The following B3GAT2 variants were observed in gnomAD, a reference collection of about 807,000 sequenced individuals.
B3GAT2 encodes galactosylgalactosylxylosylprotein 3-beta-glucuronosyltransferase 2.
A neutral mutation model predicts 27.8 loss-of-function variants in B3GAT2; 26 were observed. That is an observed-to-expected ratio of 0.93 (90% CI 0.68 to 1.30). The LOEUF is 1.30. Among genes scored for constraint, B3GAT2 ranks in the 50% most tolerant of loss-of-function variants. The pLI, the probability that B3GAT2 is intolerant of heterozygous loss-of-function variation, is 0.00. For synonymous variants in B3GAT2, 218 were observed against 195.1 expected, an observed-to-expected ratio of 1.12 and a Z score of -0.98; for missense variants, 458 against 459.0, an observed-to-expected ratio of 1.00 and a Z score of 0.02.
rs951661742 is a variant in B3GAT2 at position 70,857,475 on chromosome 6, A to AC, written c.*4187dup. 2 of 171,264 alleles carry AC rather than the reference A, an allele frequency of 1.2e-5. No individual in the cohort carries two copies. Among genetic ancestry groups the AC allele is most frequent in the African/African-American group, 4.8e-5 (2 of 41,810 alleles). 10.6% of individuals were successfully genotyped at this position (171,264 alleles called of 1,614,324 possible). ...TGTTTACAGAGTTTTAATCTTTCAC[A>AC]CCATTTCCTTTAAAATAATGAGCTG... On this transcript the variant is annotated 3_prime_UTR_variant, in exon 4 of 4. Transcript: ENST00000230053.
At chr6:70,872,604 T>C (rs925861594) in intron 2 of B3GAT2, among the ~76,000 whole-genome samples, 3 of 151,758 alleles carry the variant, frequency 2.0e-5, no homozygotes, top group Non-Finnish European at 4.4e-5. Flanking sequence ...ATGTTTGTCT[T>C]GTAGACAGCA....
chr6:70,894,883 C>T (rs1772352826), intron 1 of B3GAT2, among the ~76,000 whole-genome samples: 1 of 152,230 alleles, frequency 6.6e-6, no homozygotes, highest in South Asian at 2.1e-4. Flanking sequence ...ATCGCTTGTC[C>T]TTGTTACACA....
chr6:70,939,109 C>T (rs187920599), intron 1 of B3GAT2, among the ~76,000 whole-genome samples: 2 of 152,180 alleles, frequency 1.3e-5, no homozygotes, highest in South Asian at 4.2e-4. Flanking sequence ...AGACACTTCT[C>T]AAAAGAAGAC....
At chr6:70,935,578 T>G (rs1274133413) in intron 1 of B3GAT2, among the ~76,000 whole-genome samples, 5 of 152,268 alleles carry the variant, frequency 3.3e-5, no homozygotes, top group Non-Finnish European at 7.4e-5. Context: ...CTGGATATAT[T>G]TAAATTTCAT....
chr6:70,953,988 A>C (rs1311468146), intron 1 of B3GAT2, among the ~76,000 whole-genome samples: 1 of 152,202 alleles, frequency 6.6e-6, no homozygotes, highest in African/African-American at 2.4e-5. Flanking sequence ...AATTCTTCTA[A>C]CACCTCACAC....
At chr6:70,905,323 T>C (rs937885015) in intron 1 of B3GAT2, among the ~76,000 whole-genome samples, 3 of 152,198 alleles carry the variant, frequency 2.0e-5, no homozygotes, top group African/African-American at 7.2e-5. Context: ...AAAAGTCAAA[T>C]GAGCTTTGTC....
At chr6:70,867,753 A>T (rs1771874385) in intron 2 of B3GAT2, among the ~76,000 whole-genome samples, 2 of 152,186 alleles carry the variant, frequency 1.3e-5, no homozygotes, top group African/African-American at 4.8e-5. Context: ...AAGAAATGAC[A>T]GCAATTCTAC....
At chr6:70,882,883 C>T (rs1772120885) in intron 2 of B3GAT2, among the ~76,000 whole-genome samples, 1 of 152,120 alleles carries the variant, frequency 6.6e-6, no homozygotes, top group Non-Finnish European at 1.5e-5. Context: ...AAATCCATTT[C>T]TGTTGGTGAA....
At chr6:70,932,775 T>C (rs62419755) in intron 1 of B3GAT2, among the ~76,000 whole-genome samples, 7 of 152,172 alleles carry the variant, frequency 4.6e-5, no homozygotes, top group Non-Finnish European at 7.3e-5. Context: ...GAAAGTAACA[T>C]AACAAAAAAC....
At chr6:70,915,354 T>A (rs143039758) in intron 1 of B3GAT2, among the ~76,000 whole-genome samples, 1 of 152,326 alleles carries the variant, frequency 6.6e-6, no homozygotes, top group East Asian at 1.9e-4. Context: ...ATTCTGTAGG[T>A]TGCCTATTCA....
At chr6:70,873,313 A>G (rs1771965860) in intron 2 of B3GAT2, among the ~76,000 whole-genome samples, 2 of 152,172 alleles carry the variant, frequency 1.3e-5, no homozygotes, top group South Asian at 4.1e-4. Flanking sequence ...TTTGAAGGAT[A>G]GTTTTGCTGG....
chr6:70,951,227 C>T (rs1335247750), intron 1 of B3GAT2, among the ~76,000 whole-genome samples: 1 of 152,168 alleles, frequency 6.6e-6, no homozygotes, highest in Non-Finnish European at 1.5e-5. Flanking sequence ...CCTACCACTA[C>T]TTGAATACCA....
chr6:70,894,046 C>T (rs1772335725), intron 2 of B3GAT2, 82 bp downstream of exon 2: 1 of 1,372,094 alleles, frequency 7.3e-7, no homozygotes, highest in Non-Finnish European at 9.6e-7. Flanking sequence ...TCTTTTAAAG[C>T]TTCCTTCATC....
intron 1 of B3GAT2, among the ~76,000 whole-genome samples, chr6:70,898,866 G>A (rs994023868): frequency 6.6e-6 from 1 of 152,150 alleles, no homozygotes; most frequent in Non-Finnish European, 1.5e-5. Context: ...GGGAGGCTGA[G>A]GCGGGAGGAT....
chr6:70,946,172 C>T (rs1019693981), intron 1 of B3GAT2, among the ~76,000 whole-genome samples: 2 of 151,930 alleles, frequency 1.3e-5, no homozygotes, highest in Non-Finnish European at 2.9e-5. Flanking sequence ...AACTAACGAG[C>T]AAAATAACCA....
chr6:70,863,937 A>C lies in B3GAT2; in HGVS notation c.737-1959T>G, dbSNP rs187809950. On this transcript the variant is annotated intron_variant, in intron 2 of 3. Coordinates refer to ENST00000230053, the MANE Select transcript of B3GAT2 (RefSeq NM_080742.3). Reference sequence around the variant, plus strand: ...CTTAGACACAACTAGGACAACCACCAGACACCTCAACAAAAGCCAGAGGTT... The same window carrying C: ...CTTAGACACAACTAGGACAACCACCCGACACCTCAACAAAAGCCAGAGGTT... Among the ~76,000 whole-genome samples, 11 of 152,290 alleles carry C rather than the reference A, an allele frequency of 7.2e-5. No homozygotes were observed. In the East Asian group the frequency reaches 2.1e-3, roughly 29 times the overall value.
At position 70,935,049 on chromosome 6, in the gene B3GAT2, T is replaced by C. The variant is rs1350930283; in HGVS notation, c.591+20790A>G. Among the ~76,000 whole-genome samples, 3 of 152,238 alleles carry C rather than the reference T, an allele frequency of 2.0e-5. No homozygotes were observed. The East Asian group carries it at 5.8e-4, about 29-fold the overall frequency. ...ATTCTATCTATATTCTTTTTGTCAT[T>C]GTAGATATGTGTAATAGGGAGATGA... On this transcript the variant is annotated intron_variant, in intron 1 of 3. Coordinates refer to ENST00000230053, the MANE Select transcript of B3GAT2 (RefSeq NM_080742.3).
chr6:70,953,843 C>T (rs1765610655), intron 1 of B3GAT2, among the ~76,000 whole-genome samples: 1 of 152,028 alleles, frequency 6.6e-6, no homozygotes, highest in Non-Finnish European at 1.5e-5. Context: ...TATATTTTCC[C>T]CCATATGGAC....
At chr6:70,867,879 T>A (rs1315289875) in intron 2 of B3GAT2, among the ~76,000 whole-genome samples, 1 of 152,150 alleles carries the variant, frequency 6.6e-6, no homozygotes, top group Non-Finnish European at 1.5e-5. Context: ...TACAGACTAA[T>A]AATCCTCATG....
Sources: gnomAD v4.1 joint callset for allele counts (sites outside exome capture counted in the v4.1 genomes callset) on GRCh38, gnomAD v4.1.1 for gene constraint, MANE v1.5 for transcripts, NCBI Gene and HGNC (gene_info 2026-07-23, HGNC 2026-07-21) for gene names.